The following CENPP variants were observed in gnomAD, a reference collection of about 807,000 sequenced individuals.
CENPP encodes centromere protein P.
Under a neutral mutation model 35.6 loss-of-function variants are expected in CENPP, and 24 were observed. The observed-to-expected ratio is 0.67, with a 90% CI of 0.49 to 0.95. CENPP has a LOEUF of 0.95. Among genes scored for constraint, CENPP ranks in the 40% least tolerant of loss-of-function variants. The probability of loss-of-function intolerance (pLI) is 0.00; values close to 1 mark genes in which losing one functional copy is unlikely to be tolerated. For missense variants in CENPP, 332 were observed against 345.3 expected, an observed-to-expected ratio of 0.96 and a Z score of 0.31; for synonymous variants, 120 against 125.5, an observed-to-expected ratio of 0.96 and a Z score of 0.29.
At chr9:92,469,749 G>A (rs1294516719) in intron 5 of CENPP, among the ~76,000 whole-genome samples, 2 of 152,186 alleles carry the variant, frequency 1.3e-5, no homozygotes. Flanking sequence ...AGTCAGCGAG[G>A]CAGGAGCTGT....
intron 4 of CENPP, among the ~76,000 whole-genome samples, chr9:92,348,183 TC>T (rs1164753214): frequency 6.7e-6 from 1 of 150,224 alleles, no homozygotes; most frequent in Non-Finnish European, 1.5e-5. Flanking sequence ...GGTCTTGAAC[TC>T]CCGACCTCAA....
chr9:92,554,893 C>G (rs887066666), intron 5 of CENPP, among the ~76,000 whole-genome samples: 10 of 152,148 alleles, frequency 6.6e-5, no homozygotes, highest in African/African-American at 2.2e-4. Context: ...GCCTCGGCCT[C>G]CCAAAGTGCT....
intron 5 of CENPP, among the ~76,000 whole-genome samples, chr9:92,583,019 A>AC (rs1850465854): frequency 6.6e-6 from 1 of 152,164 alleles, no homozygotes; most frequent in African/African-American, 2.4e-5. Context: ...ACTGTGTTTG[A>AC]CAGGCACATG....
At chr9:92,521,076 A>G (rs1211418242) in intron 5 of CENPP, among the ~76,000 whole-genome samples, 1 of 152,228 alleles carries the variant, frequency 6.6e-6, no homozygotes, top group Non-Finnish European at 1.5e-5. Flanking sequence ...TGAATTGTAC[A>G]CTTTAAAATG....
At chr9:92,332,003 G>A (rs1213015948) in intron 1 of CENPP, among the ~76,000 whole-genome samples, 167 bp from the exon 2 acceptor site, 1 of 152,152 alleles carries the variant, frequency 6.6e-6, no homozygotes. Flanking sequence ...CACTGGTTTT[G>A]AGAAAATTCT....
At chr9:92,574,687 C>G (rs771948200) in intron 5 of CENPP, among the ~76,000 whole-genome samples, 3 of 152,168 alleles carry the variant, frequency 2.0e-5, no homozygotes, top group Non-Finnish European at 4.4e-5. Flanking sequence ...TATCAAAATT[C>G]CAGTGATGTT....
At chr9:92,597,833 T>C (rs1850819065) in intron 5 of CENPP, among the ~76,000 whole-genome samples, 1 of 152,238 alleles carries the variant, frequency 6.6e-6, no homozygotes, top group Non-Finnish European at 1.5e-5. Context: ...ATCTGAAGCA[T>C]TCTCTGTTTT....
At chr9:92,561,338 C>A (rs1588276545) in intron 5 of CENPP, among the ~76,000 whole-genome samples, 2 of 152,276 alleles carry the variant, frequency 1.3e-5, no homozygotes, top group South Asian at 2.1e-4. Context: ...GTAGATAATT[C>A]ATGGAACTGC....
At chr9:92,490,940 G>A (rs1846158197) in intron 5 of CENPP, among the ~76,000 whole-genome samples, 1 of 152,084 alleles carries the variant, frequency 6.6e-6, no homozygotes, top group Non-Finnish European at 1.5e-5. Context: ...TAGGAGTAAT[G>A]TCAACTTTGG....
At chr9:92,327,171 G>A (rs1289936625) in intron 1 of CENPP, among the ~76,000 whole-genome samples, 1 of 152,250 alleles carries the variant, frequency 6.6e-6, no homozygotes, top group Non-Finnish European at 1.5e-5. Context: ...CCTAACAGAG[G>A]ATTTGTGTGC....
chr9:92,329,723 TTGTGTG>T (rs113846007), intron 1 of CENPP, among the ~76,000 whole-genome samples: 1 of 150,862 alleles, frequency 6.6e-6, no homozygotes, highest in Non-Finnish European at 1.5e-5. Context: ...CCAGATAATT[TTGTGTG>T]TGTGTGTGTG....
chr9:92,616,198 C>A lies in CENPP; in HGVS notation c.*3049C>A. ...TCTGCAAAGTTAGATAAATCAATCT[C>A]TTTTAAAAGAGAAGTGAATGGCCTC... On this transcript the variant is annotated 3_prime_UTR_variant, in exon 8 of 8. Transcript: ENST00000375587. 1 of 632,302 alleles carries A rather than the reference C, an allele frequency of 1.6e-6. No individual in the cohort carries two copies. The highest frequency in any genetic ancestry group is 2.7e-6 in the Non-Finnish European group (1 of 364,166). The allele number at this position is 632,302 out of a possible 1,614,324, so 39.2% of individuals were successfully genotyped here.
At chr9:92,575,450 T>C (rs1469666064) in intron 5 of CENPP, among the ~76,000 whole-genome samples, 6 of 152,152 alleles carry the variant, frequency 3.9e-5, no homozygotes, top group Admixed American at 3.9e-4. Context: ...GAAGAGATGC[T>C]CAACATCACT....
At chr9:92,437,416 GTT>G (rs778397559) in intron 5 of CENPP, among the ~76,000 whole-genome samples, 3 of 137,376 alleles carry the variant, frequency 2.2e-5, no homozygotes, top group Non-Finnish European at 1.6e-5. Context: ...TTTTTGTTTT[GTT>G]TTTTTTTTTT....
Position 92,379,536 on chromosome 9 carries a change from C to T in CENPP, c.468-227C>T, listed in dbSNP as rs533343830. The stretch of plus-strand genomic sequence containing the variant: ...TGGCATTTGAGTGATTTAAATAATA[C>T]GTAGACTTAAACGTTTGAAAATGGG... On this transcript the variant is annotated intron_variant, in intron 4 of 7. Transcript: ENST00000375587. Among the ~76,000 whole-genome samples, 382 of 152,224 alleles carry T rather than the reference C, an allele frequency of 2.5e-3. 1 individual carries two copies. The highest frequency in any genetic ancestry group is 4.0e-3 in the Non-Finnish European group (275 of 68,020).
chr9:92,548,944 C>G (rs542065159), intron 5 of CENPP, among the ~76,000 whole-genome samples: 3 of 152,200 alleles, frequency 2.0e-5, no homozygotes, highest in African/African-American at 7.2e-5. Flanking sequence ...CCAAGACATT[C>G]CTGAAGAAGA....
chr9:92,330,462 T>A (rs757672446), intron 1 of CENPP, among the ~76,000 whole-genome samples: 9 of 152,148 alleles, frequency 5.9e-5, no homozygotes, highest in Non-Finnish European at 1.3e-4. Context: ...TTTCCTCTAA[T>A]GTTGGAGACA....
chr9:92,553,327 A>C (rs553935831), intron 5 of CENPP, among the ~76,000 whole-genome samples: 11 of 152,076 alleles, frequency 7.2e-5, no homozygotes, highest in African/African-American at 2.4e-4. Context: ...TATAGTTTGA[A>C]ATTAGGTTGT....
At chr9:92,528,002 A>G (rs888663648) in intron 5 of CENPP, 3 of 152,538 alleles carry the variant, frequency 2.0e-5, no homozygotes, top group Non-Finnish European at 1.5e-5. Context: ...AGCGACCATG[A>G]TGTAACTTCA....
Sources: gnomAD v4.1 joint callset for allele counts (sites outside exome capture counted in the v4.1 genomes callset) on GRCh38, gnomAD v4.1.1 for gene constraint, MANE v1.5 for transcripts, NCBI Gene and HGNC (gene_info 2026-07-23, HGNC 2026-07-21) for gene names.